The following F11 variants were observed in gnomAD, a reference collection of about 807,000 sequenced individuals.
F11 encodes coagulation factor XI.
A neutral mutation model predicts 76.5 loss-of-function variants in F11; 78 were observed. The ratio of observed to expected loss-of-function variants is 1.02; its 90% CI spans 0.85 to 1.23. The LOEUF (loss-of-function observed/expected upper bound fraction) is 1.23. Among genes scored for constraint, F11 ranks in the 50% most tolerant of loss-of-function variants. The pLI, the probability that F11 is intolerant of heterozygous loss-of-function variation, is 0.00. For synonymous variants in F11, 278 were observed against 276.3 expected (o/e 1.01, Z -0.06); for missense variants, 742 against 771.4 (o/e 0.96, Z 0.45).
rs966422908 is a variant in F11, at chr4:186,289,156, A to G, written c.*542A>G. Reference sequence around the variant, plus strand: ...GAATTCTTGTCATTTCCATTTTAAAATATATATTAAAAAAAATCAGTTCGA... The same window carrying G: ...GAATTCTTGTCATTTCCATTTTAAAGTATATATTAAAAAAAATCAGTTCGA... On this transcript the variant is annotated 3_prime_UTR_variant, in exon 15 of 15. Transcript: ENST00000403665. 6.6e-6 allele frequency among the ~76,000 whole-genome samples: 1 copy of G among 152,168 alleles called. No homozygotes were observed. The highest frequency in any genetic ancestry group is 1.5e-5 in the Non-Finnish European group (1 of 68,026).
intron 10 of F11, among the ~76,000 whole-genome samples, chr4:186,280,856 C>CTTTTTTTTTTTTTTTT (rs33985758): frequency 4.6e-5 from 5 of 108,170 alleles, no homozygotes; most frequent in Non-Finnish European, 5.5e-5. Context: ...TTCTTTCTTT[C>CTTTTTTTTTTTTTTTT]TTTTTTTTTT....
intron 5 of F11, chr4:186,275,223 G>C (rs1236287864): frequency 4.4e-6 from 2 of 455,738 alleles, no homozygotes; most frequent in African/African-American, 4.0e-5. Context: ...AGGCGCGGTG[G>C]CTCACACCTG....
At position 186,289,547 on chromosome 4, in the gene F11, C is replaced by A. The variant is rs982607401; in HGVS notation, c.*933C>A. Among the ~76,000 whole-genome samples the A allele has an allele frequency of 2.6e-5, 4 of 152,162 alleles. No homozygotes were observed. The highest frequency in any genetic ancestry group is 9.7e-5 in the African/African-American group (4 of 41,436). On this transcript the variant is annotated 3_prime_UTR_variant, in exon 15 of 15. Coordinates refer to ENST00000403665, the MANE Select transcript of F11 (RefSeq NM_000128.4). The stretch of plus-strand genomic sequence containing the variant: ...TCTTCAGCAAGCAGCTGCCTGTATT[C>A]TAAGCACTGGGATTTTCTGTTTCGT...
intron 10 of F11, among the ~76,000 whole-genome samples, chr4:186,281,150 C>T (rs1414060763): frequency 6.6e-6 from 1 of 152,268 alleles, no homozygotes; most frequent in African/African-American, 2.4e-5. Flanking sequence ...AGCCACTGCA[C>T]CCAGCCACAA....
intron 10 of F11, chr4:186,282,602 G>T: frequency 1.0e-6 from 1 of 985,210 alleles, no homozygotes. Flanking sequence ...GAACCTCAAG[G>T]CCTCTCACCT....
Position 186,284,179 on chromosome 4 carries a change from C to G in F11, c.1223C>G (p.Thr408Ser), listed in dbSNP as rs569013818. ...EWPWQVTLHT[T>S]SPTQRHLCGG... ...CCGTGGCAGGTGACCCTGCACACAA[C>G]CTCACCCACTCAGAGACACCTGTGT... The change falls in exon 11 of 15, where the codon ACC (threonine) becomes AGC (serine). Residue 408 changes from threonine to serine, a missense_variant. By Grantham distance (58) the Thr-to-Ser change is moderately conservative (BLOSUM62 1). Coordinates refer to ENST00000403665, the MANE Select transcript of F11 (RefSeq NM_000128.4). The G allele has an allele frequency of 6.2e-7, 1 of 1,614,234 alleles. No homozygotes were observed. The highest frequency in any genetic ancestry group is 8.5e-7 in the Non-Finnish European group (1 of 1,180,050).
At chr4:186,273,322 C>T in intron 4 of F11, 145 bp downstream of exon 4, 1 of 726,960 alleles carries the variant, frequency 1.4e-6, no homozygotes, top group South Asian at 1.5e-5. Flanking sequence ...AGAGTATAAA[C>T]TAGTATACAT....
rs4253850 is a variant in F11 at position 186,281,746 on chromosome 4, T to C, written c.1135+1166T>C. On this transcript the variant is annotated intron_variant, in intron 10 of 14. Transcript: ENST00000403665. ...ACTATAAGGTGCAACTGAGATTTAATGAATAAAATGGAAGTAACAATCCTG... is the reference window on the plus strand; with the variant it reads ...ACTATAAGGTGCAACTGAGATTTAACGAATAAAATGGAAGTAACAATCCTG... 7.3e-3 allele frequency among the ~76,000 whole-genome samples: 1,107 copies of C among 152,344 alleles called. 14 individuals carry two copies. Among genetic ancestry groups the C allele is most frequent in the African/African-American group, 0.025 (1,045 of 41,584 alleles).
intron 2 of F11, among the ~76,000 whole-genome samples, chr4:186,268,710 G>C (rs1739692370): frequency 6.6e-6 from 1 of 152,122 alleles, no homozygotes; most frequent in African/African-American, 2.4e-5. Flanking sequence ...AGATGAATCA[G>C]AGATGAAATC....
At chr4:186,268,365 G>A (rs533331461) in intron 2 of F11, among the ~76,000 whole-genome samples, 1 of 152,124 alleles carries the variant, frequency 6.6e-6, no homozygotes, top group Non-Finnish European at 1.5e-5. Flanking sequence ...GTATCTGCAG[G>A]AGGTCTGGCA....
In F11 at chr4:186,285,650, T is replaced by A; in HGVS notation, c.1317T>A (p.Pro439=). The A allele has an allele frequency of 6.2e-7, 1 of 1,614,130 alleles. No individual in the cohort carries two copies. The highest frequency in any genetic ancestry group is 8.5e-7 in the Non-Finnish European group (1 of 1,180,004). Residue 439 remains proline (P), a synonymous_variant, in exon 12 of 15, where the codon CCT becomes CCA. Coordinates refer to ENST00000403665, the MANE Select transcript of F11 (RefSeq NM_000128.4). ...GTTTGCTCCTTAGGGTAGAGTCACC[T>A]AAGATTTTGCGTGTCTACAGTGGCA... ...AAHCFYGVES[P]KILRVYSGIL...
Position 186,280,292 on chromosome 4 carries a change from A to G in F11, c.935A>G (p.Lys312Arg). 1 of 1,614,172 alleles carries G rather than the reference A, an allele frequency of 6.2e-7. No individual in the cohort carries two copies. The highest frequency in any genetic ancestry group is 8.5e-7 in the Non-Finnish European group (1 of 1,180,038). The part of the protein sequence containing the change: ...LGEELDIVAA[K>R]SHEACQKLCT... ...GAAGAACTGGATATTGTTGCTGCAA[A>G]AAGTCACGAGGCCTGCCAGAAACTG... Residue 312 changes from lysine to arginine, a missense_variant, in exon 9 of 15, where the codon AAA (lysine) becomes AGA (arginine). Coordinates refer to ENST00000403665, the MANE Select transcript of F11 (RefSeq NM_000128.4).
Position 186,267,168 on chromosome 4 carries a change from T to C in F11, c.32T>C (p.Ile11Thr), listed in dbSNP as rs1739569535. MIFLYQVVHF[I>T]LFTSVSGECV... ...TTCTTATATCAAGTGGTACATTTCA[T>C]TTTATTTACTTCAGTTTCTGGTGGT... The change falls in exon 2 of 15, where the codon ATT (isoleucine) becomes ACT (threonine). Residue 11 changes from isoleucine to threonine, a missense_variant. Transcript: ENST00000403665. 1.3e-6 allele frequency: 2 copies of C among 1,583,046 alleles called. No homozygotes were observed. The highest frequency in any genetic ancestry group is 1.7e-6 in the Non-Finnish European group (2 of 1,151,678).
At chr4:186,278,693 G>A (rs1367037771) in intron 7 of F11, among the ~76,000 whole-genome samples, 1 of 152,212 alleles carries the variant, frequency 6.6e-6, no homozygotes, top group Admixed American at 6.5e-5. Context: ...TGTAGGAGAA[G>A]CAATGCCCTT....
rs201540073 is a variant in F11, at chr4:186,280,515, C to T, written c.1070C>T (p.Thr357Ile). Residue 357 changes from threonine (T) to isoleucine (I), a missense_variant, in exon 10 of 15, where the codon ACT (threonine) becomes ATT (isoleucine). Physicochemically the swap from Thr to Ile is moderately conservative, Grantham distance 89. Transcript: ENST00000403665. ...AAGCTTTCTTCAAACGGATCTCCAA[C>T]TAAAATACTTCACGGGAGAGGAGGC... ...YLKLSSNGSP[T>I]KILHGRGGIS... The T allele has an allele frequency of 5.0e-6, 8 of 1,614,162 alleles. No individual in the cohort carries two copies. The highest frequency in any genetic ancestry group is 2.2e-5 in the South Asian group (2 of 91,080).
At chr4:186,278,066 A>C (rs1740517061) in intron 7 of F11, among the ~76,000 whole-genome samples, 1 of 152,214 alleles carries the variant, frequency 6.6e-6, no homozygotes, top group African/African-American at 2.4e-5. Context: ...CCCACAGTGC[A>C]GGGATTACAA....
At position 186,270,862 on chromosome 4, in the gene F11, ATT is replaced by A. The variant is rs34930947; in HGVS notation, c.56-733_56-732del. Among the ~76,000 whole-genome samples the A allele has an allele frequency of 4.2e-3, 576 of 138,298 alleles. 4 individuals are homozygous for A. Among genetic ancestry groups the A allele is most frequent in the African/African-American group, 0.015 (540 of 37,204 alleles). 90.7% of individuals were successfully genotyped at this position (138,298 alleles called of 152,430 possible). A position where few individuals can be genotyped will look rare whatever the true frequency, so the allele number is the denominator to read the frequency against. Reference sequence around the variant, plus strand: ...GTGGAAACAACCATGCCCAGCTAGTATTTTTTTTTTTTTTTGTATTTTTTATA... The same window carrying A: ...GTGGAAACAACCATGCCCAGCTAGTATTTTTTTTTTTTTGTATTTTTTATA... On this transcript the variant is annotated intron_variant, in intron 2 of 14. Transcript: ENST00000403665.
chr4:186,280,046 T>C lies in F11; in HGVS notation c.790T>C (p.Leu264=). ...TCTCCTTAAAACATCTGAGAGTGGA[T>C]TGCCCAGTACACGCATTAAAAAGAG... ...LCLLKTSESG[L]PSTRIKKSKA... is the part of the protein sequence containing the mutation. The change falls in exon 8 of 15, where the codon TTG becomes CTG. Residue 264 remains leucine (L), a synonymous_variant. Transcript: ENST00000403665. 2 of 1,614,126 alleles carry C rather than the reference T, an allele frequency of 1.2e-6. No individual in the cohort carries two copies. Among genetic ancestry groups the C allele is most frequent in the Non-Finnish European group, 1.7e-6 (2 of 1,179,966 alleles).
Position 186,280,339 on chromosome 4 carries a change from C to A in F11, c.982C>A (p.Gln328Lys). 6.2e-7 allele frequency: 1 copy of A among 1,614,166 alleles called. No homozygotes were observed. Among genetic ancestry groups the A allele is most frequent in the Non-Finnish European group, 8.5e-7 (1 of 1,180,044 alleles). Reference protein sequence around the residue: ...QKLCTNAVRCQFFTYTPAQAS... With the variant: ...QKLCTNAVRCKFFTYTPAQAS... ...ACTGTGCACCAATGCCGTCCGCTGC[C>A]AGTTTTTTACCTATACCCCAGCCCA... The change falls in exon 9 of 15, where the codon CAG becomes AAG. Residue 328 changes from glutamine (Q) to lysine (K), a missense_variant. By Grantham distance (53) the Gln-to-Lys change is moderately conservative (BLOSUM62 1). Transcript: ENST00000403665.
Sources: gnomAD v4.1 joint callset for allele counts (sites outside exome capture counted in the v4.1 genomes callset) on GRCh38, gnomAD v4.1.1 for gene constraint, MANE v1.5 for transcripts, NCBI Gene and HGNC (gene_info 2026-07-23, HGNC 2026-07-21) for gene names.